Variants in BEND7 observed in about 807,000 individuals in gnomAD.
BEND7 encodes BEN domain-containing protein 7.
A neutral mutation model predicts 50.9 loss-of-function variants in BEND7; 28 were observed. That is an observed-to-expected ratio of 0.55 (90% CI 0.41 to 0.75). The LOEUF is 0.75. Ranked by LOEUF, BEND7 falls within the 30% of genes least tolerant of loss-of-function variation. BEND7 has a pLI of 0.00. For synonymous variants in BEND7, 170 were observed against 183.9 expected (o/e 0.92, Z 0.61); for missense variants, 477 against 491.3 (o/e 0.97, Z 0.28).
rs746844426 is a variant in BEND7 at position 13,526,263 on chromosome 10, T to G, written c.62-42A>C. On this transcript the variant is annotated intron_variant, in intron 1 of 8. Transcript: ENST00000466271. ...ACCAAAAATTAGAATCCTAAGGACC[T>G]CAAGATAGGAATAAGCAGTCAAGTC... The G allele has an allele frequency of 3.4e-5, 36 of 1,055,482 alleles. 1 individual carries two copies. In the South Asian group the frequency reaches 4.1e-4, roughly 12 times the overall value. 65.4% of individuals were successfully genotyped at this position (1,055,482 alleles called of 1,614,324 possible).
chr10:13,514,702 T>C (rs903428159), intron 2 of BEND7, among the ~76,000 whole-genome samples: 1 of 152,184 alleles, frequency 6.6e-6, no homozygotes, highest in African/African-American at 2.4e-5. Flanking sequence ...AAAGCTAATA[T>C]TCCTGCAGCA....
chr10:13,465,435 G>C (rs778804438), intron 6 of BEND7, among the ~76,000 whole-genome samples: 2 of 152,170 alleles, frequency 1.3e-5, no homozygotes, highest in Non-Finnish European at 2.9e-5. Context: ...AGTCGTACAA[G>C]ACACAAAAGT....
intron 2 of BEND7, among the ~76,000 whole-genome samples, chr10:13,513,118 A>C (rs114098264): frequency 0.012 from 1,857 of 152,082 alleles, 42 homozygotes; most frequent in African/African-American, 0.042. Context: ...ATTCTACTCT[A>C]TTTCTTTCTT....
chr10:13,456,037 T>C (rs1213945107), intron 6 of BEND7, among the ~76,000 whole-genome samples: 2 of 152,134 alleles, frequency 1.3e-5, no homozygotes, highest in African/African-American at 4.8e-5. Flanking sequence ...AGGGTTTTGC[T>C]GGACAGTTTT....
intron 4 of BEND7, 77 bp from the exon 5 acceptor site, chr10:13,492,953 G>A (rs2076773779): frequency 6.0e-6 from 9 of 1,505,538 alleles, no homozygotes; most frequent in Non-Finnish European, 8.1e-6. Context: ...CTATCCATGT[G>A]ATCTACAAAC....
intron 6 of BEND7, among the ~76,000 whole-genome samples, chr10:13,460,475 G>C (rs1839984741): frequency 6.6e-6 from 1 of 152,182 alleles, no homozygotes; most frequent in Non-Finnish European, 1.5e-5. Flanking sequence ...ATGTTGCCCA[G>C]GCTGGCCTTG....
intron 8 of BEND7, chr10:13,446,788 G>A (rs765516197): frequency 7.3e-5 from 13 of 177,658 alleles, no homozygotes; most frequent in Admixed American, 1.3e-4. Context: ...CACTCACGCC[G>A]GATGGCTGGC....
chr10:13,510,864 T>C (rs995324183), intron 2 of BEND7, among the ~76,000 whole-genome samples: 4 of 151,920 alleles, frequency 2.6e-5, no homozygotes, highest in Non-Finnish European at 4.4e-5. Context: ...GAGAGTGTGA[T>C]TGGATTTAAA....
intron 1 of BEND7, 21 bp downstream of exon 1, chr10:13,528,436 CCCGCTGCCTGCCCCCG>C: frequency 3.0e-6 from 3 of 984,204 alleles, no homozygotes; most frequent in Non-Finnish European, 3.6e-6. Flanking sequence ...GGGCGCGGCG[CCCGCTGCCTGCCCCCG>C]CCGCCCCGGC....
intron 7 of BEND7, among the ~76,000 whole-genome samples, chr10:13,447,956 G>C (rs1186160983): frequency 6.6e-6 from 1 of 152,092 alleles, no homozygotes; most frequent in African/African-American, 2.4e-5. Flanking sequence ...TTTGCACTTG[G>C]CATCGCCGGA....
intron 6 of BEND7, among the ~76,000 whole-genome samples, chr10:13,478,825 T>C (rs1365550602): frequency 6.6e-6 from 1 of 152,180 alleles, no homozygotes; most frequent in Non-Finnish European, 1.5e-5. Context: ...GTTTTAAAGT[T>C]ACTGGGTCGT....
chr10:13,499,173 A>G (rs2077254132), intron 3 of BEND7, among the ~76,000 whole-genome samples: 1 of 152,196 alleles, frequency 6.6e-6, no homozygotes. Flanking sequence ...TTGAAAAAAA[A>G]TTGTCATTTG....
At chr10:13,511,128 T>C (rs1480465040) in intron 2 of BEND7, 1 of 152,184 alleles carries the variant, frequency 6.6e-6, no homozygotes, top group Non-Finnish European at 1.5e-5. Context: ...TGCTGTGAGC[T>C]GAGATCCCGC....
intron 6 of BEND7, among the ~76,000 whole-genome samples, chr10:13,456,199 T>C (rs1027507909): frequency 6.6e-6 from 1 of 152,068 alleles, no homozygotes; most frequent in Non-Finnish European, 1.5e-5. Context: ...GAGCTATCTA[T>C]AGAGATCAGG....
chr10:13,459,856 A>C (rs918537271), intron 6 of BEND7: 2 of 152,284 alleles, frequency 1.3e-5, no homozygotes, highest in African/African-American at 4.8e-5. Flanking sequence ...ACCAAACAGA[A>C]GGTTGACTGT....
intron 5 of BEND7, among the ~76,000 whole-genome samples, chr10:13,482,627 A>T (rs1458573381): frequency 6.6e-6 from 1 of 152,238 alleles, no homozygotes; most frequent in East Asian, 1.9e-4. Flanking sequence ...GGTCCCTCCA[A>T]AATAGAACTT....
At chr10:13,447,405 C>A (rs1334023296) in intron 7 of BEND7, 89 bp from the exon 8 acceptor site, 13 of 1,318,198 alleles carry the variant, frequency 9.9e-6, no homozygotes, top group Non-Finnish European at 1.2e-5. Flanking sequence ...TTTAAAAACT[C>A]CAGTATACAT....
At chr10:13,501,808 T>C (rs2077490502) in intron 2 of BEND7, among the ~76,000 whole-genome samples, 1 of 151,224 alleles carries the variant, frequency 6.6e-6, no homozygotes, top group South Asian at 2.1e-4. Flanking sequence ...ATTGTGCCAC[T>C]GCACTTCAGC....
At chr10:13,514,252 T>C (rs2078492898) in intron 2 of BEND7, among the ~76,000 whole-genome samples, 1 of 152,190 alleles carries the variant, frequency 6.6e-6, no homozygotes, top group South Asian at 2.1e-4. Context: ...TAGGAATATA[T>C]TAACGTCAAT....
Sources: allele counts gnomAD v4.1 joint callset (sites outside exome capture counted in the v4.1 genomes callset), GRCh38; gene constraint gnomAD v4.1.1; transcripts MANE v1.5; gene names NCBI Gene and HGNC (gene_info 2026-07-23, HGNC 2026-07-21).